The following PEX2 variants were observed in gnomAD, a reference collection of about 807,000 sequenced individuals.
The protein encoded by PEX2 is peroxisome biogenesis factor 2.
A neutral mutation model predicts 25.2 loss-of-function variants in PEX2; 19 were observed. The observed-to-expected ratio is 0.75, with a 90% CI of 0.53 to 1.10. PEX2 has a LOEUF of 1.10. Ranked by LOEUF, PEX2 falls within the 50% of genes least tolerant of loss-of-function variation. PEX2 has a pLI of 0.00. For synonymous variants in PEX2, 141 were observed against 127.7 expected (o/e 1.10, Z -0.70); for missense variants, 347 against 350.6 (o/e 0.99, Z 0.08).
intron 1 of PEX2, among the ~76,000 whole-genome samples, chr8:76,988,632 A>G (rs920928802): frequency 1.3e-5 from 2 of 152,120 alleles, no homozygotes; most frequent in African/African-American, 2.4e-5. Context: ...GGTTGTGGCA[A>G]TATCTTATAA....
chr8:76,984,921 T>C (rs1042206793), intron 3 of PEX2, among the ~76,000 whole-genome samples: 2 of 151,862 alleles, frequency 1.3e-5, no homozygotes, highest in Admixed American at 6.6e-5. Flanking sequence ...AACTATGATA[T>C]AAAAATATAT....
intron 1 of PEX2, among the ~76,000 whole-genome samples, chr8:76,990,766 A>G (rs758791781): frequency 1.2e-4 from 18 of 152,190 alleles, no homozygotes; most frequent in Non-Finnish European, 2.1e-4. Flanking sequence ...TACAATAGTA[A>G]TAACAAAGAT....
In PEX2 at chr8:76,980,956, C is replaced by T. The variant is rs1159885060; in HGVS notation, c.*2305G>A. On this transcript the variant is annotated 3_prime_UTR_variant, in exon 4 of 4. Coordinates refer to ENST00000357039, the MANE Select transcript of PEX2 (RefSeq NM_000318.3). ...TGTCCCTCATGCCATGTACACTCATCAAAAAAATGAGAGCCAAAGGATAAA... is the reference window on the plus strand; with the variant it reads ...TGTCCCTCATGCCATGTACACTCATTAAAAAAATGAGAGCCAAAGGATAAA... 1 of 152,120 alleles carries T rather than the reference C, an allele frequency of 6.6e-6. No homozygotes were observed. The highest frequency in any genetic ancestry group is 1.9e-4 in the East Asian group (1 of 5,168). The allele number at this position is 152,120 out of a possible 1,614,324, so 9.4% of individuals were successfully genotyped here.
In PEX2 at chr8:76,983,329, C is replaced by T; in HGVS notation, c.850G>A (p.Gly284Ser). 1 of 1,613,980 alleles carries T rather than the reference C, an allele frequency of 6.2e-7. No homozygotes were observed. The highest frequency in any genetic ancestry group is 8.5e-7 in the Non-Finnish European group (1 of 1,180,014). Residue 284 changes from glycine to serine, a missense_variant, in exon 4 of 4, where the codon GGC (glycine) becomes AGC (serine). By Grantham distance (56) the Gly-to-Ser change is moderately conservative. Transcript: ENST00000357039. ...GGCTGCAGACTGTGTACTTCTGTGC[C>T]ACACTTAGGACAAGTAAAGTACACG... Reference protein sequence around the residue: ...FDVYFTCPKCGTEVHSLQPLK... With the variant: ...FDVYFTCPKCSTEVHSLQPLK...
intron 1 of PEX2, among the ~76,000 whole-genome samples, chr8:76,999,622 T>C (rs1233042946): frequency 6.6e-6 from 1 of 152,220 alleles, no homozygotes; most frequent in Non-Finnish European, 1.5e-5. Context: ...AAGTAAAGTT[T>C]GGATCCTCAA....
At chr8:76,989,797 G>T (rs1249386348) in intron 1 of PEX2, among the ~76,000 whole-genome samples, 2 of 152,058 alleles carry the variant, frequency 1.3e-5, no homozygotes, top group Non-Finnish European at 2.9e-5. Context: ...ATAAAGTACA[G>T]GCAGAGTAGT....
At chr8:76,997,461 C>T (rs1163558447) in intron 1 of PEX2, among the ~76,000 whole-genome samples, 6 of 151,992 alleles carry the variant, frequency 3.9e-5, no homozygotes, top group Admixed American at 2.6e-4. Flanking sequence ...CCCAGCTACT[C>T]GGGAGGCTGA....
intron 1 of PEX2, among the ~76,000 whole-genome samples, chr8:76,994,483 G>A (rs1807264653): frequency 6.6e-6 from 1 of 152,098 alleles, no homozygotes; most frequent in African/African-American, 2.4e-5. Flanking sequence ...ATAATACCAT[G>A]TAACATCTCC....
rs764261099 is a variant in PEX2 at position 76,984,010 on chromosome 8, T to C, written c.169A>G (p.Lys57Glu). The C allele has an allele frequency of 1.2e-6, 2 of 1,614,034 alleles. No individual in the cohort carries two copies. Among genetic ancestry groups the C allele is most frequent in the Admixed American group, 1.7e-5 (1 of 60,008 alleles). Reference sequence around the variant, plus strand: ...CACAAGAAAACCCATAAGCACGCTTTCACCTCTGGCTCAAAGCGAGCTAAC... The same window carrying C: ...CACAAGAAAACCCATAAGCACGCTTCCACCTCTGGCTCAAAGCGAGCTAAC... ...GLLARFEPEV[K>E]ACLWVFLWRF... Residue 57 changes from lysine (K) to glutamate (E), a missense_variant, in exon 4 of 4, where the codon AAA (lysine) becomes GAA (glutamate). Coordinates refer to ENST00000357039, the MANE Select transcript of PEX2 (RefSeq NM_000318.3).
Position 76,983,103 on chromosome 8 carries a change from G to A in PEX2, c.*158C>T. On this transcript the variant is annotated 3_prime_UTR_variant, in exon 4 of 4. Coordinates refer to ENST00000357039, the MANE Select transcript of PEX2 (RefSeq NM_000318.3). ...TACATAATATATTTAGAATCACATG[G>A]TTTCCAGTGATTAGATTTCAGTCAT... The A allele has an allele frequency of 6.8e-7, 1 of 1,477,740 alleles. No individual in the cohort carries two copies. The highest frequency in any genetic ancestry group is 1.3e-5 in the South Asian group (1 of 75,038). 91.5% of individuals were successfully genotyped at this position (1,477,740 alleles called of 1,614,324 possible). A position where few individuals can be genotyped will look rare whatever the true frequency, so the allele number is the denominator to read the frequency against.
At chr8:76,984,707 C>A (rs898876271) in intron 3 of PEX2, among the ~76,000 whole-genome samples, 1 of 152,092 alleles carries the variant, frequency 6.6e-6, no homozygotes, top group Non-Finnish European at 1.5e-5. Flanking sequence ...GTTATTTTTT[C>A]AGCAAGTCAT....
At chr8:76,999,730 G>T in intron 1 of PEX2, 1 of 416,720 alleles carries the variant, frequency 2.4e-6, no homozygotes. Context: ...TACGTGGAAT[G>T]CAGAGGGGCT....
chr8:76,994,501 C>T (rs566097772), intron 1 of PEX2, among the ~76,000 whole-genome samples: 1 of 152,084 alleles, frequency 6.6e-6, no homozygotes, highest in Non-Finnish European at 1.5e-5. Context: ...TCCTACATCG[C>T]TGCTATCAAT....
chr8:76,983,208 T>C lies in PEX2; in HGVS notation c.*53A>G. 6.2e-7 allele frequency: 1 copy of C among 1,601,980 alleles called. No individual in the cohort carries two copies. Among genetic ancestry groups the C allele is most frequent in the South Asian group, 1.1e-5 (1 of 91,032 alleles). ...AATGGTATACTTAGGATGACTAATA[T>C]TAAGAATTTAAACACGGTGCATTTT... On this transcript the variant is annotated 3_prime_UTR_variant, in exon 4 of 4. Transcript: ENST00000357039.
At chr8:76,989,007 TA>T (rs56178165) in intron 1 of PEX2, among the ~76,000 whole-genome samples, 15 of 129,874 alleles carry the variant, frequency 1.2e-4, no homozygotes, top group African/African-American at 3.2e-4. Flanking sequence ...CTACAAAAAC[TA>T]AAAAAAAAAA....
chr8:76,998,294 C>T (rs1158312897), intron 1 of PEX2, among the ~76,000 whole-genome samples: 1 of 152,102 alleles, frequency 6.6e-6, no homozygotes, highest in African/African-American at 2.4e-5. Context: ...CTTTAACGTT[C>T]AGGTACCAAA....
chr8:76,999,615 TAA>T (rs1374244026), intron 1 of PEX2, among the ~76,000 whole-genome samples: 3 of 152,192 alleles, frequency 2.0e-5, no homozygotes, highest in African/African-American at 7.2e-5. Flanking sequence ...AGATATTAAG[TAA>T]AGTTTGGATC....
In PEX2 at chr8:76,983,897, T is replaced by C. The variant is rs140963177; in HGVS notation, c.282A>G (p.Arg94=). The C allele has an allele frequency of 5.0e-6, 8 of 1,614,156 alleles. No homozygotes were observed. The highest frequency in any genetic ancestry group is 1.1e-5 in the South Asian group (1 of 91,080). Residue 94 remains arginine (R), a synonymous_variant, in exon 4 of 4, where the codon AGA becomes AGG. Transcript: ENST00000357039. ...TTTGATTTTTACTGGGTGGCTGATATCTCAGGTTAGGGGAAAAATCATTTT... is the reference window on the plus strand; with the variant it reads ...TTTGATTTTTACTGGGTGGCTGATACCTCAGGTTAGGGGAAAAATCATTTT... ...KYKNDFSPNL[R]YQPPSKNQKI...
intron 2 of PEX2, among the ~76,000 whole-genome samples, chr8:76,986,812 T>G (rs2132048225): frequency 6.6e-6 from 1 of 152,334 alleles, no homozygotes; most frequent in South Asian, 2.1e-4. Flanking sequence ...CTCTATGTAC[T>G]GTACATAAAC....
Sources: gnomAD v4.1 joint callset for allele counts (sites outside exome capture counted in the v4.1 genomes callset) on GRCh38, gnomAD v4.1.1 for gene constraint, MANE v1.5 for transcripts, NCBI Gene and HGNC (gene_info 2026-07-23, HGNC 2026-07-21) for gene names.